TJP1: variants seen among roughly 807,000 people sequenced by gnomAD.
The protein encoded by TJP1 is tight junction protein 1.
Under a neutral mutation model 194.2 loss-of-function variants are expected in TJP1, and 43 were observed. The observed-to-expected ratio is 0.22, with a 90% CI of 0.17 to 0.29. TJP1 has a LOEUF of 0.29. TJP1 is among the 10% of genes least tolerant of loss of function. The pLI is 1.00. For synonymous variants in TJP1, 801 were observed against 779.0 expected (o/e 1.03, Z -0.47); for missense variants, 1,971 against 2,185.7 (o/e 0.90, Z 1.96).
Position 29,727,995 on chromosome 15 carries a change from G to A in TJP1, c.2042C>T (p.Thr681Ile). 1.2e-6 allele frequency: 2 copies of A among 1,614,096 alleles called. No individual in the cohort carries two copies. The highest frequency in any genetic ancestry group is 1.7e-6 in the Non-Finnish European group (2 of 1,179,978). Reference sequence around the variant, plus strand: ...AATAATGCCAGAGCTACGTTGGTCAGTTCCAGCGTCTCGTGGTTCACTCTC... The same window carrying A: ...AATAATGCCAGAGCTACGTTGGTCAATTCCAGCGTCTCGTGGTTCACTCTC... ...IAKSEPRDAGTDQRSSGIIRL... is the reference protein window; with the variant it reads ...IAKSEPRDAGIDQRSSGIIRL... Residue 681 changes from threonine to isoleucine, a missense_variant, in exon 16 of 28, where the codon ACT (threonine) becomes ATT (isoleucine). By Grantham distance (89) the Thr-to-Ile change is moderately conservative. Coordinates refer to ENST00000614355, the MANE Select transcript of TJP1 (RefSeq NM_001330239.4).
chr15:29,902,220 A>T (rs934613730), intron 2 of TJP1, among the ~76,000 whole-genome samples: 2 of 152,182 alleles, frequency 1.3e-5, no homozygotes, highest in Admixed American at 6.5e-5. Flanking sequence ...AATAGTTCAT[A>T]AAGAAATGCA....
chr15:29,952,209 A>C (rs2055774788), intron 2 of TJP1, among the ~76,000 whole-genome samples: 1 of 152,212 alleles, frequency 6.6e-6, no homozygotes. Flanking sequence ...ACATTGAAGA[A>C]GGGCTCAGGT....
intron 1 of TJP1, among the ~76,000 whole-genome samples, chr15:29,813,597 A>G (rs566168896): frequency 1.3e-5 from 2 of 152,328 alleles, no homozygotes; most frequent in African/African-American, 4.8e-5. Flanking sequence ...CAAAGTTCAG[A>G]GAGTCAAAAC....
chr15:29,956,427 G>C, intron 1 of TJP1: 2 of 1,239,050 alleles, frequency 1.6e-6, no homozygotes, highest in Non-Finnish European at 2.1e-6. Flanking sequence ...TCTCAAGTTT[G>C]AGGTAAGCAT....
intron 8 of TJP1, among the ~76,000 whole-genome samples, chr15:29,755,780 G>A (rs1699713024): frequency 6.6e-6 from 1 of 152,122 alleles, no homozygotes; most frequent in Non-Finnish European, 1.5e-5. Flanking sequence ...TGGTTTCAGG[G>A]AATGAGTGTA....
chr15:29,837,489 C>T (rs1466338526), intron 2 of TJP1, among the ~76,000 whole-genome samples: 7 of 151,952 alleles, frequency 4.6e-5, no homozygotes, highest in African/African-American at 1.5e-4. Context: ...ACCCGGGAGG[C>T]GGAGGTTGTG....
intron 8 of TJP1, among the ~76,000 whole-genome samples, chr15:29,753,065 C>T (rs1001393247): frequency 6.6e-6 from 1 of 152,228 alleles, no homozygotes; most frequent in Admixed American, 6.5e-5. Context: ...CACTATTACA[C>T]TACCCTGATT....
At chr15:29,761,024 C>T in intron 8 of TJP1, 115 bp downstream of exon 8, 3 of 1,269,398 alleles carry the variant, frequency 2.4e-6, no homozygotes, top group Non-Finnish European at 3.1e-6. Context: ...AAAAACAGAT[C>T]TAATCTTGAA....
intron 2 of TJP1, among the ~76,000 whole-genome samples, chr15:29,944,686 A>C (rs535244332): frequency 7.9e-5 from 12 of 152,202 alleles, no homozygotes; most frequent in Non-Finnish European, 1.8e-4. Flanking sequence ...GGCTTTTCTA[A>C]GTAAATTTTA....
intron 2 of TJP1, among the ~76,000 whole-genome samples, chr15:29,900,465 T>C (rs2053602222): frequency 1.3e-5 from 2 of 152,196 alleles, no homozygotes; most frequent in South Asian, 4.1e-4. Flanking sequence ...ACTTCAACAG[T>C]ACAGGTGAGA....
chr15:29,798,992 C>A (rs1433538771), intron 2 of TJP1, among the ~76,000 whole-genome samples: 2 of 152,018 alleles, frequency 1.3e-5, no homozygotes, highest in African/African-American at 2.4e-5. Flanking sequence ...GTTAAGTGGA[C>A]GTGAGGGGAC....
At chr15:29,865,604 A>T (rs1321295947) in intron 2 of TJP1, among the ~76,000 whole-genome samples, 1 of 152,210 alleles carries the variant, frequency 6.6e-6, no homozygotes, top group Non-Finnish European at 1.5e-5. Flanking sequence ...CATGTGCATA[A>T]ATATGTAGAA....
At chr15:29,784,870 A>G (rs1043726186) in intron 2 of TJP1, among the ~76,000 whole-genome samples, 5 of 152,218 alleles carry the variant, frequency 3.3e-5, no homozygotes, top group African/African-American at 9.6e-5. Flanking sequence ...GGTAAAAACC[A>G]TTTTAAAACA....
intron 18 of TJP1, among the ~76,000 whole-genome samples, chr15:29,724,068 T>C (rs1385090424): frequency 2.0e-5 from 3 of 152,206 alleles, no homozygotes; most frequent in African/African-American, 7.2e-5. Flanking sequence ...ACTAGCAGGT[T>C]TGGTGTGGCT....
chr15:29,704,641 A>C (rs2041776695), intron 26 of TJP1, among the ~76,000 whole-genome samples: 2 of 152,244 alleles, frequency 1.3e-5, no homozygotes, highest in African/African-American at 2.4e-5. Context: ...AGCATCTTTC[A>C]ATCCCAAATT....
chr15:29,701,294 C>A lies in TJP1; in HGVS notation c.*301G>T. 1 of 278,682 alleles carries A rather than the reference C, an allele frequency of 3.6e-6. No homozygotes were observed. Among genetic ancestry groups the A allele is most frequent in the African/African-American group, 2.1e-5 (1 of 46,958 alleles). 17.3% of individuals were successfully genotyped at this position (278,682 alleles called of 1,614,324 possible). A position where few individuals can be genotyped will look rare whatever the true frequency, so the allele number is the denominator to read the frequency against. ...CCCCATTTACTGGCTGGTATTTTAA[C>A]GGAAATCAATATGTGAAGTTAAGCA... On this transcript the variant is annotated 3_prime_UTR_variant, in exon 28 of 28. Coordinates refer to ENST00000614355, the MANE Select transcript of TJP1 (RefSeq NM_001330239.4).
chr15:29,912,194 C>T (rs1358785573), intron 2 of TJP1, among the ~76,000 whole-genome samples: 2 of 152,124 alleles, frequency 1.3e-5, no homozygotes, highest in Non-Finnish European at 2.9e-5. Flanking sequence ...GGCACTAAGC[C>T]CATTCATGAA....
In TJP1 at chr15:29,831,226, T is replaced by C. The variant is rs1343479745; in HGVS notation, c.307-30524A>G. Among the ~76,000 whole-genome samples the C allele has an allele frequency of 1.8e-4, 28 of 152,318 alleles. No homozygotes were observed. In the East Asian group the frequency reaches 5.4e-3, roughly 29 times the overall value. ...AATAACTCTAATTGCTGAGGGAAAGTTTTTCTTAATAAATCTGGAAGGAAT... is the reference window on the plus strand; with the variant it reads ...AATAACTCTAATTGCTGAGGGAAAGCTTTTCTTAATAAATCTGGAAGGAAT... On this transcript the variant is annotated intron_variant, in intron 2 of 28. Coordinates refer to the TJP1 transcript ENST00000356107.
At chr15:29,907,246 A>G (rs888786478) in intron 2 of TJP1, among the ~76,000 whole-genome samples, 1 of 152,006 alleles carries the variant, frequency 6.6e-6, no homozygotes, top group Non-Finnish European at 1.5e-5. Context: ...CATCTCCACT[A>G]AAAATACAAA....
Sources: allele counts gnomAD v4.1 joint callset (sites outside exome capture counted in the v4.1 genomes callset), GRCh38; gene constraint gnomAD v4.1.1; transcripts MANE v1.5; gene names NCBI Gene and HGNC (gene_info 2026-07-23, HGNC 2026-07-21).